The following CFHR2 variants were observed in gnomAD, a reference collection of about 807,000 sequenced individuals.
CFHR2 encodes complement factor H related 2.
In CFHR2, 22 loss-of-function variants were observed where a neutral mutation model predicts 21.7. That is an observed-to-expected ratio of 1.01 (90% CI 0.72 to 1.45). CFHR2 has a LOEUF of 1.45. Ranked by LOEUF, CFHR2 falls within the 40% of genes most tolerant of loss-of-function variation. The pLI, the probability that CFHR2 is intolerant of heterozygous loss-of-function variation, is 0.00. For synonymous variants in CFHR2, 98 were observed against 97.4 expected, an observed-to-expected ratio of 1.01 and a Z score of -0.04; for missense variants, 294 against 293.3, an observed-to-expected ratio of 1.00 and a Z score of -0.02.
chr1:196,957,981 T>C lies in CFHR2; in HGVS notation c.521T>C (p.Val174Ala). The change falls in exon 4 of 5, where the codon GTT (valine) becomes GCT (alanine). Residue 174 changes from valine to alanine, a missense_variant. Val to Ala is a moderately conservative substitution (Grantham distance 64, BLOSUM62 0). Coordinates refer to ENST00000367415, the MANE Select transcript of CFHR2 (RefSeq NM_005666.4). The part of the protein sequence containing the change: ...LLSVYAPGSS[V>A]EYQCQNLYQL... Reference sequence around the variant, plus strand: ...TCAGTATATGCTCCAGGTTCATCAGTTGAGTACCAGTGCCAGAACTTGTAT... The same window carrying C: ...TCAGTATATGCTCCAGGTTCATCAGCTGAGTACCAGTGCCAGAACTTGTAT... 3.1e-6 allele frequency: 5 copies of C among 1,613,786 alleles called. No homozygotes were observed. Among genetic ancestry groups the C allele is most frequent in the Non-Finnish European group, 4.2e-6 (5 of 1,179,756 alleles).
intron 3 of CFHR2, 84 bp from the exon 4 acceptor site, chr1:196,957,807 C>A: frequency 1.6e-6 from 2 of 1,220,024 alleles, no homozygotes; most frequent in Non-Finnish European, 2.4e-6. Flanking sequence ...CCCTGATAGA[C>A]TATAAAGTGC....
intron 1 of CFHR2, among the ~76,000 whole-genome samples, chr1:196,948,803 A>C (rs1254289718): frequency 3.9e-5 from 6 of 152,168 alleles, no homozygotes; most frequent in Admixed American, 3.9e-4. Context: ...ATAAATATAT[A>C]AATACAAATA....
At chr1:196,948,465 G>T (rs1659600639) in intron 1 of CFHR2, among the ~76,000 whole-genome samples, 1 of 151,642 alleles carries the variant, frequency 6.6e-6, no homozygotes. Context: ...TAGTAGAGAT[G>T]GGCTTTCGCC....
chr1:196,949,873 T>C (rs1659660737), intron 2 of CFHR2, among the ~76,000 whole-genome samples: 1 of 152,254 alleles, frequency 6.6e-6, no homozygotes, highest in Non-Finnish European at 1.5e-5. Context: ...TGTTGAAATA[T>C]ATCAATTTTT....
At chr1:196,955,658 G>C (rs1652841216) in intron 3 of CFHR2, among the ~76,000 whole-genome samples, 1 of 152,116 alleles carries the variant, frequency 6.6e-6, no homozygotes, top group Admixed American at 6.6e-5. Flanking sequence ...GGACTAGCCT[G>C]ACCCACATCG....
chr1:196,956,148 A>G (rs1156938565), intron 3 of CFHR2, among the ~76,000 whole-genome samples: 1 of 152,168 alleles, frequency 6.6e-6, no homozygotes, highest in Non-Finnish European at 1.5e-5. Flanking sequence ...TAAGATGTGA[A>G]TGGTGTGAGT....
In CFHR2 at chr1:196,945,067, G is replaced by T. The variant is rs1659426733; in HGVS notation, c.58+1129G>T. 3.5e-5 allele frequency among the ~76,000 whole-genome samples: 5 copies of T among 144,830 alleles called. 1 individual carries two copies. In the South Asian group the frequency reaches 6.7e-4, roughly 20 times the overall value. On this transcript the variant is annotated intron_variant, in intron 1 of 4. Coordinates refer to ENST00000367415, the MANE Select transcript of CFHR2 (RefSeq NM_005666.4). Reference sequence around the variant, plus strand: ...AATTTTGTATTTTTAGTAGAGATGGGGTTTCTCCATGTTGGTCAGGCTGGT... The same window carrying T: ...AATTTTGTATTTTTAGTAGAGATGGTGTTTCTCCATGTTGGTCAGGCTGGT...
intron 1 of CFHR2, among the ~76,000 whole-genome samples, chr1:196,944,810 A>G (rs1379756328): frequency 6.6e-6 from 1 of 151,568 alleles, no homozygotes; most frequent in Non-Finnish European, 1.5e-5. Flanking sequence ...AACAACATGA[A>G]CAATAACATG....
chr1:196,947,038 C>A (rs1052083391), intron 1 of CFHR2, among the ~76,000 whole-genome samples: 12 of 152,084 alleles, frequency 7.9e-5, no homozygotes, highest in African/African-American at 2.7e-4. Flanking sequence ...TTCAGCTACA[C>A]TATAATCTTA....
Position 196,957,972 on chromosome 1 carries a change from G to C in CFHR2, c.512G>C (p.Gly171Ala), listed in dbSNP as rs1328231210. The stretch of plus-strand genomic sequence containing the variant: ...TTCCTGTTGTCAGTATATGCTCCAG[G>C]TTCATCAGTTGAGTACCAGTGCCAG... The part of the protein sequence containing the change: ...TSFLLSVYAP[G>A]SSVEYQCQNL... Residue 171 changes from glycine to alanine, a missense_variant, in exon 4 of 5, where the codon GGT becomes GCT. Physicochemically the swap from Gly to Ala is moderately conservative, Grantham distance 60. Transcript: ENST00000367415. 1.1e-5 allele frequency: 17 copies of C among 1,613,674 alleles called. No individual in the cohort carries two copies. The highest frequency in any genetic ancestry group is 1.4e-5 in the Non-Finnish European group (17 of 1,179,742).
rs1468818519 is a variant in CFHR2 at position 196,959,612 on chromosome 1, A to C, written c.*532A>C. Reference sequence around the variant, plus strand: ...GCTTGTAACTATGTATATCCACATAAATAATCAAAATAATTTGTGTTTTGG... The same window carrying C: ...GCTTGTAACTATGTATATCCACATACATAATCAAAATAATTTGTGTTTTGG... On this transcript the variant is annotated 3_prime_UTR_variant, in exon 5 of 5. Transcript: ENST00000367415. Among the ~76,000 whole-genome samples, 1 of 152,096 alleles carries C rather than the reference A, an allele frequency of 6.6e-6. No homozygotes were observed. Among genetic ancestry groups the C allele is most frequent in the Non-Finnish European group, 1.5e-5 (1 of 67,966 alleles).
At chr1:196,956,103 T>A (rs1652866543) in intron 3 of CFHR2, among the ~76,000 whole-genome samples, 1 of 152,104 alleles carries the variant, frequency 6.6e-6, no homozygotes, top group African/African-American at 2.4e-5. Context: ...CCCCACCAGG[T>A]CTCTGCCTCA....
intron 3 of CFHR2, among the ~76,000 whole-genome samples, chr1:196,956,483 T>C (rs969942349): frequency 6.6e-6 from 1 of 152,204 alleles, no homozygotes; most frequent in African/African-American, 2.4e-5. Flanking sequence ...TCTTTCTGGA[T>C]TGCCTCTCCT....
rs1218055644 is a variant in CFHR2 at position 196,957,523 on chromosome 1, G to T, written c.431-368G>T. Among the ~76,000 whole-genome samples the T allele has an allele frequency of 3.9e-5, 6 of 152,036 alleles. No homozygotes were observed. In the East Asian group the frequency reaches 9.7e-4, roughly 24 times the overall value. On this transcript the variant is annotated intron_variant, in intron 3 of 4. Coordinates refer to ENST00000367415, the MANE Select transcript of CFHR2 (RefSeq NM_005666.4). ...TTAATGTTTCTTTTGTAAGGCAAAT[G>T]AAAATAAAGAATGAAATGACTACAG... is the stretch of plus-strand genomic sequence containing the variant.
At chr1:196,953,766 A>G (rs915937356) in intron 3 of CFHR2, among the ~76,000 whole-genome samples, 38 of 152,244 alleles carry the variant, frequency 2.5e-4, no homozygotes, top group Admixed American at 2.0e-3. Context: ...TCAAACCATT[A>G]AAGTGCCTAT....
intron 1 of CFHR2, among the ~76,000 whole-genome samples, chr1:196,946,474 A>G (rs1277308299): frequency 1.3e-5 from 2 of 152,202 alleles, no homozygotes; most frequent in African/African-American, 4.8e-5. Context: ...CTTAAAAAAC[A>G]TTGTAGAGAT....
In CFHR2 at chr1:196,949,642, G is replaced by C. The variant is rs528276977; in HGVS notation, c.246G>C (p.Lys82Asn). ...CAEEGWSPTPKCLRLCFFPFV... is the reference protein window; with the variant it reads ...CAEEGWSPTPNCLRLCFFPFV... Reference sequence around the variant, plus strand: ...AAGAAGGATGGTCACCAACACCAAAGTGTCTCAGTGAGTAAATGCCCTGTT... The same window carrying C: ...AAGAAGGATGGTCACCAACACCAAACTGTCTCAGTGAGTAAATGCCCTGTT... The change falls in exon 2 of 5, where the codon AAG (lysine) becomes AAC (asparagine). Residue 82 changes from lysine (K) to asparagine (N), a missense_variant. Coordinates refer to ENST00000367415, the MANE Select transcript of CFHR2 (RefSeq NM_005666.4). The C allele has an allele frequency of 1.2e-6, 2 of 1,613,808 alleles. No homozygotes were observed. The highest frequency in any genetic ancestry group is 1.3e-5 in the African/African-American group (1 of 75,044).
intron 1 of CFHR2, among the ~76,000 whole-genome samples, chr1:196,948,174 C>G (rs182072206): frequency 5.9e-5 from 9 of 152,142 alleles, no homozygotes; most frequent in African/African-American, 2.2e-4. Context: ...CTACCCACCC[C>G]CAGTAGATAC....
chr1:196,956,025 A>G lies in CFHR2; in HGVS notation c.431-1866A>G, dbSNP rs147945866. 8.8e-3 allele frequency among the ~76,000 whole-genome samples: 1,336 copies of G among 152,194 alleles called. 16 individuals are homozygous for G. Among genetic ancestry groups the G allele is most frequent in the African/African-American group, 0.031 (1,269 of 41,514 alleles). On this transcript the variant is annotated intron_variant, in intron 3 of 4. Transcript: ENST00000367415. ...TTCCAAACACTTATAAAACCATCAG[A>G]TCTCATGTGAACTCACTCACTATCA...
Sources: allele counts gnomAD v4.1 joint callset (sites outside exome capture counted in the v4.1 genomes callset), GRCh38; gene constraint gnomAD v4.1.1; transcripts MANE v1.5; gene names NCBI Gene and HGNC (gene_info 2026-07-23, HGNC 2026-07-21).